Variants in ATP2A2 observed in about 807,000 individuals in gnomAD.
The protein encoded by ATP2A2 is sarcoplasmic/endoplasmic reticulum calcium ATPase 2.
ATP2A2 carries 14 observed loss-of-function variants against 109.3 expected under a neutral mutation model. The observed-to-expected ratio is 0.13, with a 90% CI of 0.08 to 0.20. The LOEUF (loss-of-function observed/expected upper bound fraction) is 0.20. ATP2A2 is among the 10% of genes least tolerant of loss of function. The pLI, the probability that ATP2A2 is intolerant of heterozygous loss-of-function variation, is 1.00. For missense variants in ATP2A2, 657 were observed against 1,321.6 expected, an observed-to-expected ratio of 0.50 and a Z score of 7.80; for synonymous variants, 506 against 490.9, an observed-to-expected ratio of 1.03 and a Z score of -0.41.
intron 5 of ATP2A2, among the ~76,000 whole-genome samples, chr12:110,298,696 C>T (rs932749322): frequency 1.3e-5 from 2 of 152,124 alleles, no homozygotes; most frequent in African/African-American, 4.8e-5. Flanking sequence ...GCAGCCTGGG[C>T]GACAGAGCCC....
At chr12:110,341,326 C>T (rs1175456288) in intron 14 of ATP2A2, among the ~76,000 whole-genome samples, 1 of 152,010 alleles carries the variant, frequency 6.6e-6, no homozygotes, top group Non-Finnish European at 1.5e-5. Flanking sequence ...GATCACCCTG[C>T]TTTTAAGTTC....
rs2137890159 is a variant in ATP2A2 at position 110,350,871 on chromosome 12, T to C, written c.*4401T>C. Reference sequence around the variant, plus strand: ...GTGTGCAGACAGCTATTTCGCACTGTATTAAATGTAACTTATTTAATGAAA... The same window carrying C: ...GTGTGCAGACAGCTATTTCGCACTGCATTAAATGTAACTTATTTAATGAAA... On this transcript the variant is annotated 3_prime_UTR_variant, in exon 20 of 20. Transcript: ENST00000539276. 1 of 156,458 alleles carries C rather than the reference T, an allele frequency of 6.4e-6. No individual in the cohort carries two copies. The highest frequency in any genetic ancestry group is 1.9e-4 in the East Asian group (1 of 5,358). 9.7% of individuals were successfully genotyped at this position (156,458 alleles called of 1,614,324 possible). A position where few individuals can be genotyped will look rare whatever the true frequency, so the allele number is the denominator to read the frequency against.
At chr12:110,329,891 C>T (rs1878177384) in intron 8 of ATP2A2, 1 of 152,216 alleles carries the variant, frequency 6.6e-6, no homozygotes, top group Non-Finnish European at 1.5e-5. Flanking sequence ...CCAAAAGGTA[C>T]ACATGACTCA....
chr12:110,326,273 A>C, intron 6 of ATP2A2, 117 bp from the exon 7 acceptor site: 2 of 988,470 alleles, frequency 2.0e-6, no homozygotes, highest in Non-Finnish European at 3.1e-6. Context: ...CCTTTTGCCA[A>C]CCTTTTCTCA....
At chr12:110,338,144 G>T (rs934857515) in intron 11 of ATP2A2, among the ~76,000 whole-genome samples, 2 of 152,128 alleles carry the variant, frequency 1.3e-5, no homozygotes, top group Non-Finnish European at 2.9e-5. Flanking sequence ...GGAGGTGAAG[G>T]CTCCATAGTC....
intron 5 of ATP2A2, among the ~76,000 whole-genome samples, chr12:110,306,829 G>A (rs763933883): frequency 1.2e-4 from 19 of 152,156 alleles, no homozygotes; most frequent in Non-Finnish European, 2.5e-4. Flanking sequence ...CCAAGCTCAA[G>A]CCATCCTCCC....
In ATP2A2 at chr12:110,350,551, T is replaced by C; in HGVS notation, c.*4081T>C. On this transcript the variant is annotated 3_prime_UTR_variant, in exon 20 of 20. Transcript: ENST00000539276. ...AATCAGAAAGCCTCTCCAGAGAAGT[T>C]TGGTTTCTTTGCTGCAAGAGGAATG... The C allele has an allele frequency of 1.6e-6, 1 of 617,748 alleles. No individual in the cohort carries two copies. Among genetic ancestry groups the C allele is most frequent in the African/African-American group, 1.8e-5 (1 of 54,284 alleles). 38.3% of individuals were successfully genotyped at this position (617,748 alleles called of 1,614,324 possible).
At chr12:110,282,662 G>A in intron 2 of ATP2A2, 41 bp downstream of exon 2, 1 of 1,613,566 alleles carries the variant, frequency 6.2e-7, no homozygotes, top group East Asian at 2.2e-5. Context: ...TCCTCTGTTG[G>A]TGTGCTGATG....
chr12:110,322,951 A>G, intron 5 of ATP2A2, 41 bp from the exon 6 acceptor site: 1 of 1,390,188 alleles, frequency 7.2e-7, no homozygotes, highest in Non-Finnish European at 1.0e-6. Context: ...CATAGTTTTA[A>G]AAGTTGCTCA....
chr12:110,326,685 G>A (rs1877836109), intron 7 of ATP2A2, among the ~76,000 whole-genome samples: 1 of 152,152 alleles, frequency 6.6e-6, no homozygotes, highest in Admixed American at 6.5e-5. Context: ...AAAAAATAAT[G>A]ACTAGCTTAT....
intron 3 of ATP2A2, among the ~76,000 whole-genome samples, chr12:110,288,132 G>C (rs1872855754): frequency 8.1e-6 from 1 of 123,306 alleles, no homozygotes; most frequent in Non-Finnish European, 1.6e-5. Context: ...TTTTGAGGCA[G>C]AGTCTCACTC....
In ATP2A2 at chr12:110,323,857, G is replaced by A. The variant is rs963967582; in HGVS notation, c.544+785G>A. On this transcript the variant is annotated intron_variant, in intron 6 of 19. Transcript: ENST00000539276. The stretch of plus-strand genomic sequence containing the variant: ...TTAAGGTTGAATTGTTGTCTGTTTT[G>A]TGGAAAGCAAATTACTTATTCGATG... 2.0e-5 allele frequency among the ~76,000 whole-genome samples: 3 copies of A among 152,194 alleles called. No individual in the cohort carries two copies. In the East Asian group the frequency reaches 5.8e-4, roughly 29 times the overall value.
At position 110,327,202 on chromosome 12, in the gene ATP2A2, A is replaced by G. The variant is rs1877895482; in HGVS notation, c.631-351A>G. On this transcript the variant is annotated intron_variant, in intron 7 of 19. Coordinates refer to ENST00000539276, the MANE Select transcript of ATP2A2 (RefSeq NM_170665.4). This position sits in a 1 kb window ranked among gnomAD's most constrained non-coding sequence, Gnocchi z 4.4. ...GTTGCCGTTTCTATTACAGTGAGAA[A>G]AGTAGGGGCCTTGAGTTGTTGGAGC... Among the ~76,000 whole-genome samples, 1 of 152,192 alleles carries G rather than the reference A, an allele frequency of 6.6e-6. No homozygotes were observed. The highest frequency in any genetic ancestry group is 6.5e-5 in the Admixed American group (1 of 15,278).
At chr12:110,311,566 A>T (rs1283896726) in intron 5 of ATP2A2, among the ~76,000 whole-genome samples, 3 of 129,612 alleles carry the variant, frequency 2.3e-5, no homozygotes, top group Non-Finnish European at 3.1e-5. Context: ...ACTGCACTCC[A>T]GCCTGGGGGA....
chr12:110,319,783 G>A (rs1877055629), intron 5 of ATP2A2, among the ~76,000 whole-genome samples: 1 of 151,770 alleles, frequency 6.6e-6, no homozygotes. Flanking sequence ...TAAATACAGT[G>A]TGTATATATA....
rs1329350030 is a variant in ATP2A2, at chr12:110,281,640, C to T, written c.-150C>T. 2.2e-6 allele frequency: 1 copy of T among 448,594 alleles called. No homozygotes were observed. The highest frequency in any genetic ancestry group is 3.8e-6 in the Non-Finnish European group (1 of 263,202). 27.8% of individuals were successfully genotyped at this position (448,594 alleles called of 1,614,324 possible). ...GGAGGGGGCGCGGGGTGATTCAGCG[C>T]CCGGCGAGGCGGAAGCGGCCGCAAG... On this transcript the variant is annotated 5_prime_UTR_variant, in exon 1 of 20. Coordinates refer to ENST00000539276, the MANE Select transcript of ATP2A2 (RefSeq NM_170665.4).
intron 5 of ATP2A2, among the ~76,000 whole-genome samples, chr12:110,309,028 T>C (rs894410505): frequency 6.6e-6 from 1 of 152,100 alleles, no homozygotes; most frequent in Non-Finnish European, 1.5e-5. Flanking sequence ...TAAAATTCTT[T>C]GTCAGCTTTT....
At chr12:110,331,961 G>C (rs1022561237) in intron 8 of ATP2A2, 5 of 152,400 alleles carry the variant, frequency 3.3e-5, no homozygotes, top group African/African-American at 1.2e-4. Context: ...GCTTCCATCT[G>C]TATTGTCTAG....
rs187943862 is a variant in ATP2A2 at position 110,299,975 on chromosome 12, C to T, written c.463+3238C>T. Among the ~76,000 whole-genome samples the T allele has an allele frequency of 8.1e-3, 1,225 of 151,756 alleles. 1 individual carries two copies. Among genetic ancestry groups the T allele is most frequent in the Non-Finnish European group, 9.5e-3 (644 of 67,814 alleles). On this transcript the variant is annotated intron_variant, in intron 5 of 19. Coordinates refer to ENST00000539276, the MANE Select transcript of ATP2A2 (RefSeq NM_170665.4). ...TTCTCCATGTTGGTCAGGCTGATCT[C>T]GAACTCCCGACCTCAGGTGGTCCGC...
Sources: allele counts gnomAD v4.1 joint callset (sites outside exome capture counted in the v4.1 genomes callset), GRCh38; gene constraint gnomAD v4.1.1; non-coding constraint Gnocchi (gnomAD v3.1); transcripts MANE v1.5; gene names NCBI Gene and HGNC (gene_info 2026-07-23, HGNC 2026-07-21).